The following WDPCP variants were observed in gnomAD, a reference collection of about 807,000 sequenced individuals.
The protein encoded by WDPCP is WD repeat containing planar cell polarity effector, also known as WD repeat-containing and planar cell polarity effector protein fritz homolog.
In WDPCP, 71 loss-of-function variants were observed where a neutral mutation model predicts 93.1. That is an observed-to-expected ratio of 0.76 (90% CI 0.63 to 0.93). The LOEUF (loss-of-function observed/expected upper bound fraction) is 0.93. WDPCP is among the 40% of genes least tolerant of loss of function. The pLI is 0.00. For missense variants in WDPCP, 844 were observed against 887.4 expected (o/e 0.95, Z 0.62); for synonymous variants, 315 against 315.0 (o/e 1.00, Z 0.00).
chr2:63,567,687 T>C (rs1177643044), intron 1 of WDPCP, among the ~76,000 whole-genome samples: 1 of 152,194 alleles, frequency 6.6e-6, no homozygotes, highest in African/African-American at 2.4e-5. Context: ...TTCCCCTTCA[T>C]AGCCCATATT....
chr2:63,656,350 C>G (rs1353679138), intron 2 of WDPCP, among the ~76,000 whole-genome samples: 1 of 152,192 alleles, frequency 6.6e-6, no homozygotes, highest in African/African-American at 2.4e-5. Context: ...CAGATGCAGA[C>G]TGGGTTGGTG....
chr2:63,500,454 G>GGGGTGTGTGT (rs1553412905), intron 1 of WDPCP, among the ~76,000 whole-genome samples: 76 of 149,582 alleles, frequency 5.1e-4, no homozygotes, highest in South Asian at 1.5e-3. Context: ...ATGGTGTGGG[G>GGGGTGTGTGT]GTGTGTGTGT....
intron 13 of WDPCP, among the ~76,000 whole-genome samples, chr2:63,297,884 T>A (rs1200008453): frequency 6.6e-6 from 1 of 152,100 alleles, no homozygotes; most frequent in Admixed American, 6.5e-5. Context: ...TGTGTCTGAT[T>A]TGGGTGGTCT....
chr2:63,306,317 AG>A (rs1215671994), intron 13 of WDPCP, among the ~76,000 whole-genome samples: 1 of 152,070 alleles, frequency 6.6e-6, no homozygotes, highest in Non-Finnish European at 1.5e-5. Context: ...AGGTACAAAG[AG>A]GAGCTGGTAC....
intron 1 of WDPCP, among the ~76,000 whole-genome samples, chr2:63,535,114 G>C (rs77663228): frequency 0.07 from 10,693 of 152,110 alleles, 1,065 homozygotes; most frequent in African/African-American, 0.23. Flanking sequence ...ATTCACAATT[G>C]CTTCAAAGAG....
chr2:63,230,525 A>G (rs377762586), intron 14 of WDPCP, among the ~76,000 whole-genome samples: 13,573 of 152,196 alleles, frequency 0.089, 807 homozygotes, highest in African/African-American at 0.16. Flanking sequence ...GTCTTCCACA[A>G]TGGTTGAACT....
chr2:63,285,853 C>T (rs1013599819), intron 13 of WDPCP, among the ~76,000 whole-genome samples: 2 of 152,202 alleles, frequency 1.3e-5, no homozygotes, highest in Non-Finnish European at 2.9e-5. Context: ...AACAGAAAGT[C>T]AGTGGATATA....
At chr2:63,596,091 A>C (rs1709307269) in intron 3 of WDPCP, among the ~76,000 whole-genome samples, 1 of 152,192 alleles carries the variant, frequency 6.6e-6, no homozygotes, top group Non-Finnish European at 1.5e-5. Context: ...GCCTTTGCAA[A>C]TCATTGAACT....
intron 2 of WDPCP, among the ~76,000 whole-genome samples, chr2:63,705,192 C>T (rs979984750): frequency 8.6e-5 from 13 of 152,014 alleles, no homozygotes; most frequent in Non-Finnish European, 1.5e-4. Context: ...TCTCTCTTTT[C>T]TTCTTTATTA....
At chr2:63,174,892 A>G in intron 14 of WDPCP, 60 bp from the exon 15 acceptor site, 1 of 1,554,396 alleles carries the variant, frequency 6.4e-7, no homozygotes, top group Non-Finnish European at 8.9e-7. Context: ...TAACTCCCTT[A>G]TAAGTAAGAT....
intron 6 of WDPCP, among the ~76,000 whole-genome samples, chr2:63,467,441 C>T (rs1699412914): frequency 6.6e-6 from 1 of 151,704 alleles, no homozygotes; most frequent in Non-Finnish European, 1.5e-5. Context: ...GATTGCACTC[C>T]ATCCTGGGCA....
intron 3 of WDPCP, among the ~76,000 whole-genome samples, chr2:63,616,070 T>C (rs1030067404): frequency 1.3e-5 from 2 of 152,202 alleles, no homozygotes; most frequent in Non-Finnish European, 2.9e-5. Flanking sequence ...TCCAGGTACA[T>C]TGATGAATTC....
At chr2:63,551,029 T>C (rs924958484) in intron 1 of WDPCP, among the ~76,000 whole-genome samples, 1 of 152,162 alleles carries the variant, frequency 6.6e-6, no homozygotes, top group Admixed American at 6.5e-5. Context: ...TCTGCCTTGC[T>C]ACTCACATCC....
chr2:63,728,697 C>T (rs1210919332), intron 2 of WDPCP, among the ~76,000 whole-genome samples: 1 of 152,028 alleles, frequency 6.6e-6, no homozygotes, highest in Admixed American at 6.6e-5. Context: ...ATGACTTGAA[C>T]GTGGGCTTTG....
intron 14 of WDPCP, among the ~76,000 whole-genome samples, chr2:63,256,153 A>T (rs1681127023): frequency 6.6e-6 from 1 of 152,084 alleles, no homozygotes; most frequent in Non-Finnish European, 1.5e-5. Context: ...TTCAGCCCCC[A>T]CTGTTTTTGT....
intron 2 of WDPCP, among the ~76,000 whole-genome samples, chr2:63,722,486 C>G (rs1269596454): frequency 1.4e-5 from 2 of 143,860 alleles, no homozygotes; most frequent in African/African-American, 5.1e-5. Flanking sequence ...GGAGCCCCTC[C>G]GCCCGGCAGC....
intron 1 of WDPCP, among the ~76,000 whole-genome samples, chr2:63,558,428 T>A (rs1451744936): frequency 6.6e-6 from 1 of 151,516 alleles, no homozygotes; most frequent in African/African-American, 2.4e-5. Context: ...CTTGGGAGGC[T>A]TGAGGCAGGA....
chr2:63,720,160 T>TA (rs1379922255), intron 2 of WDPCP, among the ~76,000 whole-genome samples: 25 of 152,178 alleles, frequency 1.6e-4, no homozygotes, highest in Admixed American at 1.6e-3. Context: ...CTCATGCCTG[T>TA]AATCCTAGCA....
intron 2 of WDPCP, among the ~76,000 whole-genome samples, chr2:63,673,158 G>C (rs262527): frequency 0.8 from 121,987 of 152,152 alleles, 49,327 homozygotes; most frequent in East Asian, 0.98. Context: ...CTAAGTGCTT[G>C]ATAAATGTAC....
Sources: allele counts gnomAD v4.1 joint callset (sites outside exome capture counted in the v4.1 genomes callset), GRCh38; gene constraint gnomAD v4.1.1; transcripts MANE v1.5; gene names NCBI Gene and HGNC (gene_info 2026-07-23, HGNC 2026-07-21).